Variants in HDAC9 observed in about 807,000 individuals in gnomAD.
The protein encoded by HDAC9 is histone deacetylase 9.
HDAC9 carries 41 observed loss-of-function variants against 139.4 expected under a neutral mutation model. The ratio of observed to expected loss-of-function variants is 0.29; its 90% CI spans 0.23 to 0.38. The LOEUF is 0.38. Ranked by LOEUF, HDAC9 falls within the 10% of genes least tolerant of loss-of-function variation. The pLI, the probability that HDAC9 is intolerant of heterozygous loss-of-function variation, is 1.00. For synonymous variants in HDAC9, 517 were observed against 476.2 expected, an observed-to-expected ratio of 1.09 and a Z score of -1.12; for missense variants, 1,147 against 1,297.0, an observed-to-expected ratio of 0.88 and a Z score of 1.78.
At chr7:18,318,727 G>A (rs1440392134) in intron 1 of HDAC9, among the ~76,000 whole-genome samples, 1 of 152,188 alleles carries the variant, frequency 6.6e-6, no homozygotes, top group Non-Finnish European at 1.5e-5. Flanking sequence ...TGGCTTCAAA[G>A]AGACCTGGGT....
chr7:18,921,655 T>C (rs1028754722), intron 22 of HDAC9, among the ~76,000 whole-genome samples: 4 of 152,174 alleles, frequency 2.6e-5, no homozygotes, highest in African/African-American at 9.6e-5. Flanking sequence ...TCAATCATTG[T>C]GGAAGTCAGT....
chr7:18,539,330 T>C (rs1811959935), intron 2 of HDAC9, among the ~76,000 whole-genome samples: 1 of 152,094 alleles, frequency 6.6e-6, no homozygotes, highest in African/African-American at 2.4e-5. Flanking sequence ...GAATATTCTA[T>C]AAAATACTTG....
At chr7:18,104,242 TG>T (rs1783050084) in intron 1 of HDAC9, among the ~76,000 whole-genome samples, 1 of 119,280 alleles carries the variant, frequency 8.4e-6, no homozygotes, top group Non-Finnish European at 2.1e-5. Flanking sequence ...TTCCCATAAT[TG>T]TATTTTTTTT....
chr7:18,466,981 T>C (rs1038390748), intron 1 of HDAC9, among the ~76,000 whole-genome samples: 7 of 152,164 alleles, frequency 4.6e-5, no homozygotes, highest in African/African-American at 1.7e-4. Context: ...ATTTTCTCTT[T>C]CTCTAAGCAC....
At chr7:18,117,760 G>A (rs1474932344) in intron 1 of HDAC9, among the ~76,000 whole-genome samples, 2 of 152,176 alleles carry the variant, frequency 1.3e-5, no homozygotes, top group African/African-American at 2.4e-5. Flanking sequence ...TGAGAACTGT[G>A]AGAAAATAAA....
chr7:18,609,460 A>G (rs1031583286), intron 6 of HDAC9, among the ~76,000 whole-genome samples: 4 of 152,182 alleles, frequency 2.6e-5, no homozygotes, highest in African/African-American at 9.7e-5. Context: ...CATAAGCATC[A>G]TGGTGAAACC....
intron 1 of HDAC9, among the ~76,000 whole-genome samples, chr7:18,132,556 A>G (rs36047593): frequency 0.15 from 23,032 of 152,080 alleles, 2,275 homozygotes; most frequent in Middle Eastern, 0.22. Flanking sequence ...CCGCAGGCAC[A>G]TACTACCACA....
chr7:18,410,665 A>G (rs946848978), intron 1 of HDAC9, among the ~76,000 whole-genome samples: 2 of 152,206 alleles, frequency 1.3e-5, no homozygotes, highest in Non-Finnish European at 2.9e-5. Flanking sequence ...ACAGTAGTAC[A>G]TACAGTAGAG....
intron 24 of HDAC9, among the ~76,000 whole-genome samples, chr7:18,957,431 T>A (rs977691478): frequency 6.6e-6 from 1 of 152,132 alleles, no homozygotes; most frequent in Non-Finnish European, 1.5e-5. Flanking sequence ...TTACAAGATA[T>A]GAAATCGCAC....
Position 18,642,596 on chromosome 7 carries a change from A to G in HDAC9, c.913-2075A>G, listed in dbSNP as rs187203157. On this transcript the variant is annotated intron_variant, in intron 8 of 25. Coordinates refer to ENST00000686413, the MANE Select transcript of HDAC9 (RefSeq NM_178425.4). ...CCTCCAAAAAATTCTGGCCCAGGAC[A>G]CCATGGTAGGTGCTGAATATCAGTA... 3.7e-4 allele frequency among the ~76,000 whole-genome samples: 56 copies of G among 152,174 alleles called. 1 individual carries two copies. In the East Asian group the frequency reaches 0.011, roughly 29 times the overall value.
intron 11 of HDAC9, among the ~76,000 whole-genome samples, chr7:18,658,200 C>T (rs1017517106): frequency 2.0e-5 from 3 of 152,114 alleles, no homozygotes; most frequent in African/African-American, 7.2e-5. Context: ...TGCTAATTTT[C>T]TGCCTCCCCT....
intron 2 of HDAC9, among the ~76,000 whole-genome samples, chr7:18,273,069 T>G (rs201787343): frequency 0.017 from 1,050 of 62,464 alleles, 27 homozygotes; most frequent in African/African-American, 0.026. Context: ...TTTTTTTTTT[T>G]TTTTTTTTTT....
chr7:18,394,198 A>G (rs1032275897), intron 1 of HDAC9, among the ~76,000 whole-genome samples: 1 of 152,172 alleles, frequency 6.6e-6, no homozygotes, highest in East Asian at 1.9e-4. Context: ...CTTTACAATT[A>G]TACCTTGTTT....
chr7:18,208,671 C>T (rs976738470), intron 2 of HDAC9, among the ~76,000 whole-genome samples: 8 of 151,790 alleles, frequency 5.3e-5, no homozygotes, highest in African/African-American at 1.7e-4. Context: ...CCACTGCACC[C>T]GGCCTGTAAT....
chr7:18,390,575 G>A (rs1786381944), intron 1 of HDAC9, among the ~76,000 whole-genome samples: 1 of 152,156 alleles, frequency 6.6e-6, no homozygotes. Flanking sequence ...TTCTGTGTCC[G>A]GCTTTTTCCT....
At chr7:18,175,768 A>ATC (rs1788844101) in intron 2 of HDAC9, among the ~76,000 whole-genome samples, 1 of 112,726 alleles carries the variant, frequency 8.9e-6, no homozygotes, top group Non-Finnish European at 1.8e-5. Context: ...ATTATTTTTA[A>ATC]CCCCCCCCCC....
intron 1 of HDAC9, among the ~76,000 whole-genome samples, chr7:18,296,778 G>T (rs1798180311): frequency 6.6e-6 from 1 of 152,192 alleles, no homozygotes; most frequent in South Asian, 2.1e-4. Flanking sequence ...CCATTAGAAA[G>T]AAGTAGACAT....
chr7:18,618,238 G>A (rs557541121), intron 6 of HDAC9, among the ~76,000 whole-genome samples: 15 of 152,080 alleles, frequency 9.9e-5, no homozygotes, highest in Admixed American at 2.0e-4. Flanking sequence ...TTAAGGTCAG[G>A]AATGGCTGTT....
At chr7:18,977,248 C>T (rs12533452) in intron 25 of HDAC9, among the ~76,000 whole-genome samples, 25,840 of 152,062 alleles carry the variant, frequency 0.17, 2,317 homozygotes, top group East Asian at 0.29. Flanking sequence ...GAACCAAGTT[C>T]ATAATCCAAA....
Sources: gnomAD v4.1 joint callset for allele counts (sites outside exome capture counted in the v4.1 genomes callset) on GRCh38, gnomAD v4.1.1 for gene constraint, MANE v1.5 for transcripts, NCBI Gene and HGNC (gene_info 2026-07-23, HGNC 2026-07-21) for gene names.